Variants in LBH observed in about 807,000 individuals in gnomAD.
LBH encodes the protein protein LBH.
Under a neutral mutation model 12.5 loss-of-function variants are expected in LBH, and 7 were observed. The observed-to-expected ratio is 0.56, with a 90% CI of 0.32 to 1.05. LBH has a LOEUF of 1.05. Among genes scored for constraint, LBH ranks in the 50% least tolerant of loss-of-function variants. The pLI is 0.04. For missense variants in LBH, 119 were observed against 138.9 expected (o/e 0.86, Z 0.72); for synonymous variants, 51 against 50.1 (o/e 1.02, Z -0.08).
rs185260583 is a variant in LBH at position 30,246,315 on chromosome 2, C to T, written c.130-11118C>T. Among the ~76,000 whole-genome samples the T allele has an allele frequency of 1.3e-4, 20 of 152,302 alleles. No individual in the cohort carries two copies. The South Asian group carries it at 4.2e-3, about 32-fold the overall frequency. On this transcript the variant is annotated intron_variant, in intron 2 of 2. Coordinates refer to ENST00000395323, the MANE Select transcript of LBH (RefSeq NM_030915.4). ...GCCAACTATTCTCAAACCTTTTGGT[C>T]TCGGTCCCTTTCACACTCTTAAAAC... is the stretch of plus-strand genomic sequence containing the variant.
In LBH at chr2:30,251,658, C is replaced by A. The variant is rs1216315193; in HGVS notation, c.130-5775C>A. Among the ~76,000 whole-genome samples the A allele has an allele frequency of 3.1e-5, 4 of 127,722 alleles. No individual in the cohort carries two copies. In the East Asian group the frequency reaches 6.3e-4, roughly 20 times the overall value. The allele number at this position is 127,722 out of a possible 152,430, so 83.8% of individuals were successfully genotyped here. ...CTCTAGTCTGGGTGACAAAACAAGA[C>A]CCTATCTCAAGAAAAAAAAAAAAAA... On this transcript the variant is annotated intron_variant, in intron 2 of 2. Coordinates refer to ENST00000395323, the MANE Select transcript of LBH (RefSeq NM_030915.4).
intron 2 of LBH, among the ~76,000 whole-genome samples, chr2:30,251,065 T>C (rs1677970296): frequency 6.7e-6 from 1 of 150,030 alleles, no homozygotes; most frequent in African/African-American, 2.4e-5. Flanking sequence ...TTTTTTTTTT[T>C]TTTTTTTGAG....
At position 30,258,401 on chromosome 2, in the gene LBH, T is replaced by C. The variant is rs1678123784; in HGVS notation, c.*780T>C. The C allele has an allele frequency of 6.6e-6, 1 of 152,364 alleles. No individual in the cohort carries two copies. Among genetic ancestry groups the C allele is most frequent in the South Asian group, 2.1e-4 (1 of 4,838 alleles). The allele number at this position is 152,364 out of a possible 1,614,324, so 9.4% of individuals were successfully genotyped here. Reference sequence around the variant, plus strand: ...TGCTTTTCAGCTTTTCTCCCTGATATATCCATTTTGCTTCCCAGCACTTTT... The same window carrying C: ...TGCTTTTCAGCTTTTCTCCCTGATACATCCATTTTGCTTCCCAGCACTTTT... On this transcript the variant is annotated 3_prime_UTR_variant, in exon 3 of 3. Transcript: ENST00000395323.
intron 2 of LBH, among the ~76,000 whole-genome samples, chr2:30,240,046 G>A (rs1677762774): frequency 6.6e-6 from 1 of 152,158 alleles, no homozygotes; most frequent in Admixed American, 6.5e-5. Context: ...GGCCTGTGTT[G>A]GGCCTGACGC....
rs1344127737 is a variant in LBH, at chr2:30,259,753, T to C, written c.*2132T>C. ...CAGCTAATGTCAGGACCCTCAGCGGTGGAGCCTGCTGGGGGGACCCAGCTG... is the reference window on the plus strand; with the variant it reads ...CAGCTAATGTCAGGACCCTCAGCGGCGGAGCCTGCTGGGGGGACCCAGCTG... On this transcript the variant is annotated 3_prime_UTR_variant, in exon 3 of 3. Coordinates refer to ENST00000395323, the MANE Select transcript of LBH (RefSeq NM_030915.4). 2 of 152,086 alleles carry C rather than the reference T, an allele frequency of 1.3e-5. No individual in the cohort carries two copies. The highest frequency in any genetic ancestry group is 2.1e-4 in the South Asian group (1 of 4,802). The allele number at this position is 152,086 out of a possible 1,614,324, so 9.4% of individuals were successfully genotyped here.
chr2:30,250,194 G>C (rs1677954940), intron 2 of LBH, among the ~76,000 whole-genome samples: 1 of 152,156 alleles, frequency 6.6e-6, no homozygotes, highest in Non-Finnish European at 1.5e-5. Flanking sequence ...AACAAGAGAG[G>C]GTAGAAGCTT....
chr2:30,254,483 C>T (rs1678044728), intron 2 of LBH, among the ~76,000 whole-genome samples: 1 of 152,178 alleles, frequency 6.6e-6, no homozygotes, highest in Non-Finnish European at 1.5e-5. Flanking sequence ...GGAAAAATTT[C>T]ATCCATCATC....
chr2:30,251,244 T>C (rs1422215160), intron 2 of LBH, among the ~76,000 whole-genome samples: 8 of 151,842 alleles, frequency 5.3e-5, no homozygotes, highest in African/African-American at 1.7e-4. Context: ...TTTCAAGTGC[T>C]CCATAGTCAC....
At chr2:30,243,421 T>C (rs1677822150) in intron 2 of LBH, among the ~76,000 whole-genome samples, 1 of 152,204 alleles carries the variant, frequency 6.6e-6, no homozygotes, top group Non-Finnish European at 1.5e-5. Context: ...AGATGCATGC[T>C]TTGTCTCTGA....
Position 30,231,651 on chromosome 2 carries a change from T to C in LBH, c.-88T>C. Reference sequence around the variant, plus strand: ...GGTGTCCGCACTCGGCCGCCTGCCGTGCCCGTCTGCGCCCGTGTCATCCTC... The same window carrying C: ...GGTGTCCGCACTCGGCCGCCTGCCGCGCCCGTCTGCGCCCGTGTCATCCTC... On this transcript the variant is annotated 5_prime_UTR_variant, in exon 1 of 3. Coordinates refer to ENST00000395323, the MANE Select transcript of LBH (RefSeq NM_030915.4). 1 of 1,353,706 alleles carries C rather than the reference T, an allele frequency of 7.4e-7. No homozygotes were observed. The highest frequency in any genetic ancestry group is 1.5e-5 in the African/African-American group (1 of 67,926). The allele number at this position is 1,353,706 out of a possible 1,614,324, so 83.9% of individuals were successfully genotyped here. A position where few individuals can be genotyped will look rare whatever the true frequency, so the allele number is the denominator to read the frequency against.
At chr2:30,234,344 GA>G in intron 1 of LBH, 60 bp from the exon 2 acceptor site, 1 of 1,273,428 alleles carries the variant, frequency 7.9e-7, no homozygotes, top group Admixed American at 1.7e-5. Flanking sequence ...GTGAATGCAT[GA>G]AGAGTTAGGA....
chr2:30,238,427 T>C (rs1319140703), intron 2 of LBH, among the ~76,000 whole-genome samples: 5 of 152,232 alleles, frequency 3.3e-5, no homozygotes, highest in Non-Finnish European at 7.3e-5. Flanking sequence ...CGTCCCTTCC[T>C]GGCTGCCCCT....
At chr2:30,234,157 A>T (rs1677639449) in intron 1 of LBH, 1 of 499,124 alleles carries the variant, frequency 2.0e-6, no homozygotes, top group African/African-American at 1.9e-5. Context: ...AGAGTACAGG[A>T]GAGGAGGGAA....
At chr2:30,251,050 A>ATTTTTTTTTTTT (rs372791263) in intron 2 of LBH, among the ~76,000 whole-genome samples, 1 of 122,534 alleles carries the variant, frequency 8.2e-6, no homozygotes, top group Non-Finnish European at 1.7e-5. Flanking sequence ...TGTCAGTAGA[A>ATTTTTTTTTTTT]TTTTTTTTTT....
intron 2 of LBH, among the ~76,000 whole-genome samples, chr2:30,243,638 T>C (rs1677825937): frequency 6.6e-6 from 1 of 151,684 alleles, no homozygotes; most frequent in Admixed American, 6.6e-5. Context: ...TCAAGTGATT[T>C]TCCTGCCTCA....
intron 2 of LBH, among the ~76,000 whole-genome samples, chr2:30,235,010 T>C (rs563409998): frequency 1.7e-4 from 26 of 152,212 alleles, no homozygotes; most frequent in African/African-American, 6.3e-4. Flanking sequence ...TGATTCAGAG[T>C]TAACATTCAA....
At chr2:30,246,640 T>C (rs554946672) in intron 2 of LBH, among the ~76,000 whole-genome samples, 35 of 152,328 alleles carry the variant, frequency 2.3e-4, no homozygotes, top group African/African-American at 8.4e-4. Flanking sequence ...AGTCAATCTG[T>C]TGCAGTATGT....
At chr2:30,236,099 G>A (rs1025300736) in intron 2 of LBH, among the ~76,000 whole-genome samples, 8 of 152,162 alleles carry the variant, frequency 5.3e-5, no homozygotes, top group African/African-American at 1.9e-4. Context: ...GTTCTCTTTC[G>A]GTTCTGGGTT....
chr2:30,241,613 C>T (rs994359624), intron 2 of LBH, among the ~76,000 whole-genome samples: 2 of 151,876 alleles, frequency 1.3e-5, no homozygotes, highest in Non-Finnish European at 2.9e-5. Context: ...ACACGTGCCA[C>T]CATGCCGGGC....
Sources: gnomAD v4.1 joint callset for allele counts (sites outside exome capture counted in the v4.1 genomes callset) on GRCh38, gnomAD v4.1.1 for gene constraint, MANE v1.5 for transcripts, NCBI Gene and HGNC (gene_info 2026-07-23, HGNC 2026-07-21) for gene names.